PBX1: variants seen among roughly 807,000 people sequenced by gnomAD.
PBX1 encodes the protein PBX homeobox 1.
In PBX1, 6 loss-of-function variants were observed where a neutral mutation model predicts 53.4. The ratio of observed to expected loss-of-function variants is 0.11; its 90% CI spans 0.06 to 0.22. The LOEUF (loss-of-function observed/expected upper bound fraction) is 0.22, where lower values mean the gene tolerates loss of function less well. Ranked by LOEUF, PBX1 falls within the 10% of genes least tolerant of loss-of-function variation. PBX1 has a pLI of 1.00. For synonymous variants in PBX1, 204 were observed against 212.3 expected (o/e 0.96, Z 0.34); for missense variants, 251 against 551.4 (o/e 0.46, Z 5.46).
chr1:164,600,495 C>T (rs1384846029), intron 2 of PBX1, among the ~76,000 whole-genome samples: 2 of 152,074 alleles, frequency 1.3e-5, no homozygotes, highest in Non-Finnish European at 2.9e-5. Context: ...GTGATCTACC[C>T]GCCTCAGCCT....
chr1:164,821,701 C>G, intron 8 of PBX1, 75 bp downstream of exon 8: 1 of 1,098,732 alleles, frequency 9.1e-7, no homozygotes, highest in Non-Finnish European at 1.4e-6. Flanking sequence ...GCCATAGGGC[C>G]CAGAATGCCA....
rs577836667 is a variant in PBX1 at position 164,862,507 on chromosome 1, G to C, written n.257+31024G>C. On this transcript the variant is annotated intron_variant and non_coding_transcript_variant, in intron 2 of 2. Coordinates refer to the PBX1 transcript ENST00000558796. ...CATTGATACTAAGTGGGAATAAAAA[G>C]GTGAATAAGATGTTATCCCAATTAC... 3.3e-5 allele frequency among the ~76,000 whole-genome samples: 5 copies of C among 152,316 alleles called. No homozygotes were observed. In the South Asian group the frequency reaches 8.3e-4, roughly 25 times the overall value.
chr1:164,612,872 T>C (rs1009250170), intron 2 of PBX1, among the ~76,000 whole-genome samples: 3 of 152,168 alleles, frequency 2.0e-5, no homozygotes, highest in African/African-American at 7.2e-5. Flanking sequence ...CTGTTATGAA[T>C]TGGCAGATTA....
At chr1:164,734,971 A>C (rs1665188049) in intron 2 of PBX1, among the ~76,000 whole-genome samples, 2 of 152,264 alleles carry the variant, frequency 1.3e-5, no homozygotes, top group African/African-American at 4.8e-5. Context: ...AAATGCTTCT[A>C]TAATGCACTT....
chr1:164,776,297 A>G (rs922379035), intron 2 of PBX1, among the ~76,000 whole-genome samples: 43 of 152,244 alleles, frequency 2.8e-4, no homozygotes, highest in Middle Eastern at 3.4e-3. Context: ...CCCCAGAAAC[A>G]TGGGTGTTCC....
chr1:164,581,114 A>G (rs1654584019), intron 2 of PBX1, among the ~76,000 whole-genome samples: 2 of 152,042 alleles, frequency 1.3e-5, no homozygotes, highest in Admixed American at 1.3e-4. Flanking sequence ...TGGGCCCTCC[A>G]GTGATTCTAC....
intron 2 of PBX1, chr1:164,684,367 C>G (rs1661973121): frequency 6.6e-6 from 1 of 152,104 alleles, no homozygotes; most frequent in South Asian, 2.1e-4. Flanking sequence ...TCTTTGACCT[C>G]TCTTATGCAT....
chr1:164,790,000 A>T (rs574406345), intron 2 of PBX1, among the ~76,000 whole-genome samples: 1 of 152,168 alleles, frequency 6.6e-6, no homozygotes, highest in Middle Eastern at 3.4e-3. Context: ...ATGACCCATA[A>T]ATTTCTTTGT....
intron 2 of PBX1, among the ~76,000 whole-genome samples, chr1:164,730,161 T>C (rs543565330): frequency 1.3e-5 from 2 of 152,366 alleles, no homozygotes; most frequent in African/African-American, 4.8e-5. Flanking sequence ...GGTTAGAGCA[T>C]GGAGTTAGTG....
At chr1:164,672,676 C>T (rs1348760287) in intron 2 of PBX1, among the ~76,000 whole-genome samples, 1 of 152,206 alleles carries the variant, frequency 6.6e-6, no homozygotes, top group Non-Finnish European at 1.5e-5. Context: ...TCTATTTGAA[C>T]ATATGTCTGA....
chr1:164,704,266 A>G (rs1488295808), intron 2 of PBX1, among the ~76,000 whole-genome samples: 1 of 152,146 alleles, frequency 6.6e-6, no homozygotes, highest in African/African-American at 2.4e-5. Context: ...CAACATTCAA[A>G]CCTTTTTACA....
chr1:164,830,839 T>G (rs1194470956), intron 8 of PBX1, among the ~76,000 whole-genome samples: 2 of 152,166 alleles, frequency 1.3e-5, no homozygotes, highest in Non-Finnish European at 2.9e-5. Context: ...TGGGAGCTTG[T>G]GAGCCATGCA....
chr1:164,751,584 T>TCC (rs1666223647), intron 2 of PBX1, among the ~76,000 whole-genome samples: 2 of 148,014 alleles, frequency 1.4e-5, no homozygotes, highest in African/African-American at 5.0e-5. Context: ...TGCCCCCCTT[T>TCC]TTTTTTTTTT....
Position 164,846,753 on chromosome 1 carries a change from G to A in PBX1, c.*77G>A, listed in dbSNP as rs999209978. The A allele has an allele frequency of 2.5e-5, 41 of 1,611,080 alleles. No homozygotes were observed. In the East Asian group the frequency reaches 2.9e-4, roughly 11 times the overall value. On this transcript the variant is annotated 3_prime_UTR_variant, in exon 9 of 9. Transcript: ENST00000420696. ...CAGGAGGGAGGGTTTCTCTCCCAAC[G>A]CTGAAGCGGTCAGACTGGAGGTCGA...
At chr1:164,708,393 ATTTTC>A (rs1421939924) in intron 2 of PBX1, among the ~76,000 whole-genome samples, 39 of 146,076 alleles carry the variant, frequency 2.7e-4, no homozygotes, top group African/African-American at 6.6e-4. Flanking sequence ...TAAAAAAAAT[ATTTTC>A]TTTTCTTTTA....
intron 2 of PBX1, among the ~76,000 whole-genome samples, chr1:164,574,906 C>G (rs759629641): frequency 6.6e-6 from 1 of 151,950 alleles, no homozygotes; most frequent in East Asian, 1.9e-4. Flanking sequence ...TTCTTGAACC[C>G]GGGAGGTGGA....
At chr1:164,677,132 C>CCGGACTG (rs1231925860) in intron 2 of PBX1, among the ~76,000 whole-genome samples, 1 of 148,586 alleles carries the variant, frequency 6.7e-6, no homozygotes, top group South Asian at 2.1e-4. Context: ...GTCGCCCAGG[C>CCGGACTG]CGGACTGCGG....
At chr1:164,599,768 A>C (rs1656035156) in intron 2 of PBX1, among the ~76,000 whole-genome samples, 1 of 152,188 alleles carries the variant, frequency 6.6e-6, no homozygotes, top group Non-Finnish European at 1.5e-5. Context: ...AAAACTGGAA[A>C]TACATCTTTG....
At chr1:164,729,500 T>C (rs10918061) in intron 2 of PBX1, among the ~76,000 whole-genome samples, 11,139 of 152,240 alleles carry the variant, frequency 0.073, 588 homozygotes, top group East Asian at 0.16. Context: ...ATACATAATA[T>C]AGACATATAC....
Sources: allele counts gnomAD v4.1 joint callset (sites outside exome capture counted in the v4.1 genomes callset), GRCh38; gene constraint gnomAD v4.1.1; transcripts MANE v1.5; gene names NCBI Gene and HGNC (gene_info 2026-07-23, HGNC 2026-07-21).